Variants in GLIS1 observed in about 807,000 individuals in gnomAD.
GLIS1 encodes the protein GLIS family zinc finger 1, also known as zinc finger protein GLIS1.
Under a neutral mutation model 63.8 loss-of-function variants are expected in GLIS1, and 24 were observed. That is an observed-to-expected ratio of 0.38 (90% CI 0.27 to 0.53). The LOEUF is 0.53. GLIS1 is among the 20% of genes least tolerant of loss of function. The pLI is 0.85. For missense variants in GLIS1, 1,036 were observed against 1,074.1 expected, an observed-to-expected ratio of 0.96 and a Z score of 0.50; for synonymous variants, 450 against 482.5, an observed-to-expected ratio of 0.93 and a Z score of 0.88.
intron 2 of GLIS1, among the ~76,000 whole-genome samples, chr1:53,682,713 A>G (rs1309366285): frequency 6.6e-6 from 1 of 152,260 alleles, no homozygotes; most frequent in Non-Finnish European, 1.5e-5. Context: ...GCCTTTCATA[A>G]CAAGTGTGCA....
chr1:53,608,216 GC>G (rs1465961297), intron 2 of GLIS1, among the ~76,000 whole-genome samples: 2 of 152,102 alleles, frequency 1.3e-5, no homozygotes, highest in Non-Finnish European at 2.9e-5. Flanking sequence ...TTCTGCCTTG[GC>G]CTCCCAAAGT....
chr1:53,628,366 C>T (rs747683576), intron 2 of GLIS1, among the ~76,000 whole-genome samples: 5 of 152,138 alleles, frequency 3.3e-5, no homozygotes, highest in Non-Finnish European at 5.9e-5. Context: ...GCTCAACGTC[C>T]CAGCACCCTG....
intron 2 of GLIS1, among the ~76,000 whole-genome samples, chr1:53,656,789 C>G (rs543127451): frequency 6.6e-6 from 1 of 152,192 alleles, no homozygotes; most frequent in Non-Finnish European, 1.5e-5. Flanking sequence ...CTGGCAGTAC[C>G]GGAGGGCCAG....
Position 53,594,530 on chromosome 1 carries a change from C to T in GLIS1, c.898G>A (p.Ala300Thr). The stretch of plus-strand genomic sequence containing the variant: ...CTGCCCTCATGGCTGTCCGTCGATG[C>T]AGGGCCAGGCCGGGCCCGCTTGGAA... ...GPSKRARPGP[A>T]STDSHEGSLQ... The change falls in exon 4 of 11, where the codon GCA becomes ACA. Residue 300 changes from alanine to threonine, a missense_variant. By Grantham distance (58) the Ala-to-Thr change is moderately conservative. Transcript: ENST00000628545. 1 of 1,610,398 alleles carries T rather than the reference C, an allele frequency of 6.2e-7. No individual in the cohort carries two copies. Among genetic ancestry groups the T allele is most frequent in the Non-Finnish European group, 8.5e-7 (1 of 1,177,896 alleles).
In GLIS1 at chr1:53,514,636, G is replaced by A; in HGVS notation, c.1872C>T (p.Ser624=). 4.3e-6 allele frequency: 7 copies of A among 1,613,562 alleles called. No homozygotes were observed. The highest frequency in any genetic ancestry group is 5.1e-6 in the Non-Finnish European group (6 of 1,179,802). Residue 624 remains serine (S), a synonymous_variant, in exon 8 of 11, where the codon AGC becomes AGT. Transcript: ENST00000628545. ...HHLSPLPMAE[S]TRDGLGPGLL... ...CCTGGTGTACATACCCATCCCGGGT[G>A]CTCTCAGCCATGGGCAGAGGGGACA... is the stretch of plus-strand genomic sequence containing the variant.
intron 2 of GLIS1, among the ~76,000 whole-genome samples, chr1:53,731,560 C>G (rs1416738470): frequency 6.6e-6 from 1 of 152,178 alleles, no homozygotes; most frequent in Non-Finnish European, 1.5e-5. Flanking sequence ...TCAGACAGAC[C>G]TGGGTTCAAA....
rs1006987194 is a variant in GLIS1 at position 53,535,088 on chromosome 1, G to C, written c.1321-5136C>G. ...GAAACAGCTAAGGATCTATTGAGCA[G>C]AGAAGGAAGGGAAGCAGGGAGAGGA... On this transcript the variant is annotated intron_variant, in intron 4 of 10. Transcript: ENST00000628545. 2.6e-5 allele frequency among the ~76,000 whole-genome samples: 4 copies of C among 152,226 alleles called. No homozygotes were observed. The East Asian group carries it at 7.7e-4, about 29-fold the overall frequency.
intron 2 of GLIS1, among the ~76,000 whole-genome samples, chr1:53,666,774 T>C (rs1375978708): frequency 6.8e-6 from 1 of 148,016 alleles, no homozygotes; most frequent in Non-Finnish European, 1.5e-5. Flanking sequence ...GGCAGGTCTG[T>C]GGGCCAGGCT....
At chr1:53,593,635 G>A in intron 4 of GLIS1, among the ~76,000 whole-genome samples, 1 of 152,212 alleles carries the variant, frequency 6.6e-6, no homozygotes, top group East Asian at 1.9e-4. Context: ...CTGTTCCTTG[G>A]TGGAAGCCAA....
intron 4 of GLIS1, among the ~76,000 whole-genome samples, chr1:53,593,430 C>T (rs752587630): frequency 3.3e-5 from 5 of 152,222 alleles, no homozygotes; most frequent in African/African-American, 4.8e-5. Context: ...TTAATATGCG[C>T]GTGTGTGTGC....
chr1:53,631,313 T>C (rs1645649567), intron 2 of GLIS1, among the ~76,000 whole-genome samples: 1 of 152,236 alleles, frequency 6.6e-6, no homozygotes, highest in African/African-American at 2.4e-5. Context: ...TGCAAGATAA[T>C]GTAGGTGAGG....
At chr1:53,643,263 G>C (rs1171620854) in intron 2 of GLIS1, among the ~76,000 whole-genome samples, 1 of 152,192 alleles carries the variant, frequency 6.6e-6, no homozygotes, top group Non-Finnish European at 1.5e-5. Flanking sequence ...GCTCTGTAAA[G>C]TTTTAACGTT....
At chr1:53,630,194 C>T (rs1476989309) in intron 2 of GLIS1, among the ~76,000 whole-genome samples, 2 of 152,184 alleles carry the variant, frequency 1.3e-5, no homozygotes, top group African/African-American at 2.4e-5. Flanking sequence ...ATCTTTAGAA[C>T]GGCTGCATAA....
At chr1:53,734,976 C>T (rs1646899414) in intron 2 of GLIS1, among the ~76,000 whole-genome samples, 6 of 152,144 alleles carry the variant, frequency 3.9e-5, no homozygotes, top group Admixed American at 3.9e-4. Flanking sequence ...TAGTCCATGA[C>T]ATCACACCAT....
chr1:53,709,395 C>CATATAAATAT (rs201281751), intron 2 of GLIS1, among the ~76,000 whole-genome samples: 1 of 22,030 alleles, frequency 4.5e-5, no homozygotes, highest in Non-Finnish European at 1.0e-4. Flanking sequence ...CATATATATA[C>CATATAAATAT]ATATACATAT....
At chr1:53,613,650 G>C (rs1645448929) in intron 2 of GLIS1, among the ~76,000 whole-genome samples, 1 of 13,012 alleles carries the variant, frequency 7.7e-5, no homozygotes, top group African/African-American at 1.0e-4. Flanking sequence ...GATATTTTTG[G>C]TGGTTTTTTT....
intron 6 of GLIS1, among the ~76,000 whole-genome samples, chr1:53,523,663 T>C (rs1326898832): frequency 6.6e-6 from 1 of 152,110 alleles, no homozygotes; most frequent in Non-Finnish European, 1.5e-5. Flanking sequence ...GGAGTGCAGG[T>C]GTGAGTTAAC....
intron 2 of GLIS1, among the ~76,000 whole-genome samples, chr1:53,671,149 C>T (rs949803463): frequency 6.6e-6 from 1 of 152,156 alleles, no homozygotes; most frequent in Non-Finnish European, 1.5e-5. Flanking sequence ...TGTAACAATG[C>T]ATCTCATTTT....
intron 4 of GLIS1, among the ~76,000 whole-genome samples, chr1:53,534,666 ACCCACCCCAT>A (rs1644564712): frequency 2.2e-5 from 1 of 44,942 alleles, no homozygotes; most frequent in African/African-American, 8.9e-5. Context: ...CCACCTGACC[ACCCACCCCAT>A]CCCTGCTACT....
Sources: allele counts gnomAD v4.1 joint callset (sites outside exome capture counted in the v4.1 genomes callset), GRCh38; gene constraint gnomAD v4.1.1; transcripts MANE v1.5; gene names NCBI Gene and HGNC (gene_info 2026-07-23, HGNC 2026-07-21).